Variants in SSBP3 observed in about 807,000 individuals in gnomAD.
The protein encoded by SSBP3 is single stranded DNA binding protein 3.
A neutral mutation model predicts 69.6 loss-of-function variants in SSBP3; 5 were observed. The ratio of observed to expected loss-of-function variants is 0.07; its 90% confidence interval spans 0.04 to 0.15. The LOEUF (loss-of-function observed/expected upper bound fraction) is 0.15, where lower values mean the gene tolerates loss of function less well. Ranked by LOEUF, SSBP3 falls within the 10% of genes least tolerant of loss-of-function variation. SSBP3 has a pLI of 1.00. For missense variants in SSBP3, 312 were observed against 534.0 expected (o/e 0.58, Z 4.10); for synonymous variants, 196 against 193.4 (o/e 1.01, Z -0.11).
chr1:54,401,617 C>A (rs1570064765), intron 4 of SSBP3, among the ~76,000 whole-genome samples: 1 of 151,862 alleles, frequency 6.6e-6, no homozygotes, highest in East Asian at 2.0e-4. Context: ...CCATTTAATT[C>A]TCCGGATAGA....
chr1:54,259,562 A>G (rs1285100874), intron 5 of SSBP3, among the ~76,000 whole-genome samples: 2 of 152,224 alleles, frequency 1.3e-5, no homozygotes, highest in Admixed American at 1.3e-4. Flanking sequence ...TGGTTTTTAG[A>G]AAAATTCAAA....
intron 5 of SSBP3, among the ~76,000 whole-genome samples, chr1:54,277,356 T>G (rs149568289): frequency 4.4e-4 from 67 of 152,292 alleles, no homozygotes; most frequent in African/African-American, 1.5e-3. Flanking sequence ...ATAAGAGTTA[T>G]GGTTTCTCTA....
chr1:54,337,143 G>A (rs1194823682), intron 4 of SSBP3, among the ~76,000 whole-genome samples: 1 of 152,206 alleles, frequency 6.6e-6, no homozygotes, highest in African/African-American at 2.4e-5. Context: ...GACAGTTACT[G>A]GCTCCCCAGT....
intron 9 of SSBP3, among the ~76,000 whole-genome samples, chr1:54,243,967 TTGCC>T (rs2100665570): frequency 6.6e-6 from 1 of 152,302 alleles, no homozygotes; most frequent in Admixed American, 6.5e-5. Flanking sequence ...TCTTGCTCTG[TTGCC>T]TAGGCTAGAG....
At chr1:54,408,987 G>C (rs942973055), upstream of SSBP3, among the ~76,000 whole-genome samples, 5 of 152,170 alleles carry the variant, frequency 3.3e-5, no homozygotes, top group African/African-American at 1.2e-4. Context: ...CTGGCTAGAA[G>C]ATTGCTGAGG....
chr1:54,375,832 G>A (rs538579827), intron 4 of SSBP3, among the ~76,000 whole-genome samples: 6 of 152,212 alleles, frequency 3.9e-5, no homozygotes, highest in African/African-American at 7.2e-5. Context: ...GGGCCCTGGC[G>A]GTGGCAAACC....
At chr1:54,397,321 C>A (rs1648967784) in intron 4 of SSBP3, among the ~76,000 whole-genome samples, 1 of 152,188 alleles carries the variant, frequency 6.6e-6, no homozygotes. Flanking sequence ...CCCTGCCTGG[C>A]AGGAACCTCA....
chr1:54,360,479 C>T (rs1336201577), intron 4 of SSBP3, among the ~76,000 whole-genome samples: 1 of 152,144 alleles, frequency 6.6e-6, no homozygotes, highest in Non-Finnish European at 1.5e-5. Flanking sequence ...AATAACAGCG[C>T]TGGAAGGGGC....
upstream of SSBP3, among the ~76,000 whole-genome samples, chr1:54,409,037 G>A (rs558430821): frequency 7.7e-4 from 118 of 152,258 alleles, no homozygotes; most frequent in African/African-American, 2.7e-3. Flanking sequence ...CCCTAAGTAG[G>A]TGTGTGGCTG....
At chr1:54,315,147 G>A (rs865878215) in intron 4 of SSBP3, among the ~76,000 whole-genome samples, 17 of 152,212 alleles carry the variant, frequency 1.1e-4, no homozygotes, top group African/African-American at 4.1e-4. Context: ...GTTGAATCAA[G>A]GCTACTACCG....
chr1:54,334,074 C>A (rs867803565), intron 4 of SSBP3, among the ~76,000 whole-genome samples: 2 of 151,228 alleles, frequency 1.3e-5, no homozygotes, highest in Non-Finnish European at 2.9e-5. Flanking sequence ...ATAAAATAGG[C>A]CTGGCGTGGT....
intron 4 of SSBP3, among the ~76,000 whole-genome samples, chr1:54,386,202 G>A (rs893242611): frequency 4.6e-5 from 7 of 152,186 alleles, no homozygotes; most frequent in Non-Finnish European, 8.8e-5. Flanking sequence ...GCAGTCAGGG[G>A]CCTAGGGTTA....
chr1:54,320,403 C>T (rs1265695289), intron 4 of SSBP3, among the ~76,000 whole-genome samples: 4 of 152,106 alleles, frequency 2.6e-5, no homozygotes, highest in Non-Finnish European at 4.4e-5. Context: ...TTGCAACCTC[C>T]GCCTCCTGGG....
chr1:54,335,584 A>T (rs1045604007), intron 4 of SSBP3, among the ~76,000 whole-genome samples: 9 of 152,202 alleles, frequency 5.9e-5, no homozygotes, highest in African/African-American at 1.7e-4. Flanking sequence ...ACAGGCTGCC[A>T]TGGGCCCCAG....
intron 4 of SSBP3, among the ~76,000 whole-genome samples, chr1:54,361,487 C>T (rs1646951323): frequency 2.0e-5 from 3 of 152,128 alleles, no homozygotes; most frequent in Admixed American, 6.5e-5. Flanking sequence ...CACGCACTCC[C>T]GCTGAGTGTG....
At position 54,226,786 on chromosome 1, in the gene SSBP3, CCAA is replaced by C. The variant is rs534028721; in HGVS notation, c.*342_*344del. ...CCCCCTGAAAACAAATAAAAAAATC[CCAA>C]CAATGGTAAAACCCCAAACAAAAAA... On this transcript the variant is annotated 3_prime_UTR_variant, in exon 18 of 18. Coordinates refer to ENST00000610401, the Ensembl canonical transcript of SSBP3. 54 of 217,322 alleles carry C rather than the reference CCAA, an allele frequency of 2.5e-4. No individual in the cohort carries two copies. In the Admixed American group the frequency reaches 2.6e-3, roughly 10 times the overall value. 13.5% of individuals were successfully genotyped at this position (217,322 alleles called of 1,614,324 possible).
intron 4 of SSBP3, among the ~76,000 whole-genome samples, chr1:54,317,675 C>CA (rs1646138046): frequency 6.6e-6 from 1 of 152,142 alleles, no homozygotes; most frequent in Non-Finnish European, 1.5e-5. Flanking sequence ...TTTCACTTTC[C>CA]AAAACGTGTC....
At chr1:54,301,611 C>T (rs925122635) in intron 4 of SSBP3, among the ~76,000 whole-genome samples, 4 of 152,204 alleles carry the variant, frequency 2.6e-5, no homozygotes, top group Admixed American at 6.5e-5. Context: ...CCTGAAGAGG[C>T]GCTCAGGCCA....
chr1:54,388,416 T>C (rs1474797993), intron 4 of SSBP3, among the ~76,000 whole-genome samples: 2 of 152,254 alleles, frequency 1.3e-5, no homozygotes, highest in Admixed American at 6.5e-5. Context: ...CGGGATTAAA[T>C]GCCATGCCCA....
Sources: gnomAD v4.1 joint callset for allele counts (sites outside exome capture counted in the v4.1 genomes callset) on GRCh38, gnomAD v4.1.1 for gene constraint, MANE v1.5 for transcripts, NCBI Gene and HGNC (gene_info 2026-07-23, HGNC 2026-07-21) for gene names.